Variants in PTPN1 observed in about 807,000 individuals in gnomAD.
PTPN1 encodes tyrosine-protein phosphatase non-receptor type 1.
In PTPN1, 12 loss-of-function variants were observed where a neutral mutation model predicts 59.9. That is an observed-to-expected ratio of 0.20 (90% CI 0.13 to 0.32). The LOEUF (loss-of-function observed/expected upper bound fraction) is 0.32, where lower values mean the gene tolerates loss of function less well. PTPN1 is among the 10% of genes least tolerant of loss of function. The probability of loss-of-function intolerance (pLI) is 1.00; values close to 1 mark genes in which losing one functional copy is unlikely to be tolerated. For missense variants in PTPN1, 356 were observed against 549.2 expected (o/e 0.65, Z 3.52); for synonymous variants, 178 against 203.6 (o/e 0.87, Z 1.07).
chr20:50,557,643 TAA>T (rs2082731647), intron 1 of PTPN1: 1 of 152,304 alleles, frequency 6.6e-6, no homozygotes, highest in African/African-American at 2.4e-5. Context: ...CTGTTGTTAA[TAA>T]TTGACTTTTT....
intron 4 of PTPN1, chr20:50,571,176 T>C (rs2082806633): frequency 6.6e-6 from 1 of 152,254 alleles, no homozygotes; most frequent in Non-Finnish European, 1.5e-5. Context: ...TGTCTCCCAC[T>C]CAAGACTGAC....
chr20:50,547,899 C>A (rs2082682817), intron 1 of PTPN1, among the ~76,000 whole-genome samples: 2 of 152,108 alleles, frequency 1.3e-5, no homozygotes, highest in Non-Finnish European at 2.9e-5. Flanking sequence ...ACAATGGTCC[C>A]TTTTTATTGT....
At chr20:50,574,745 G>T in intron 5 of PTPN1, 91 bp downstream of exon 5, 1 of 1,460,810 alleles carries the variant, frequency 6.8e-7, no homozygotes, top group Non-Finnish European at 9.3e-7. Flanking sequence ...TAATGTCAGT[G>T]TTCCTGGCTT....
At chr20:50,542,703 T>C (rs1267875345) in intron 1 of PTPN1, among the ~76,000 whole-genome samples, 1 of 152,240 alleles carries the variant, frequency 6.6e-6, no homozygotes, top group African/African-American at 2.4e-5. Context: ...TTTGAGATAT[T>C]GAGCAAGCCC....
chr20:50,583,390 G>A lies in PTPN1; in HGVS notation c.*675G>A, dbSNP rs569308913. The stretch of plus-strand genomic sequence containing the variant: ...CAATGCTATAATATATAATGAACAC[G>A]TGGGTATTTAATAAGAAACATGATG... On this transcript the variant is annotated 3_prime_UTR_variant, in exon 10 of 10. Transcript: ENST00000371621. 1.3e-5 allele frequency: 2 copies of A among 152,354 alleles called. No individual in the cohort carries two copies. The highest frequency in any genetic ancestry group is 2.1e-4 in the South Asian group (1 of 4,830). 9.4% of individuals were successfully genotyped at this position (152,354 alleles called of 1,614,324 possible).
At chr20:50,518,886 T>A (rs2082539852) in intron 1 of PTPN1, among the ~76,000 whole-genome samples, 1 of 152,176 alleles carries the variant, frequency 6.6e-6, no homozygotes, top group Non-Finnish European at 1.5e-5. Flanking sequence ...GAATACAACC[T>A]GGTTTAGCCA....
intron 3 of PTPN1, among the ~76,000 whole-genome samples, chr20:50,567,921 G>A (rs893158979): frequency 6.6e-6 from 1 of 152,226 alleles, no homozygotes; most frequent in African/African-American, 2.4e-5. Context: ...AGTAAGCGAT[G>A]GGGAAACTGG....
chr20:50,578,822 G>T (rs767474836), intron 6 of PTPN1, among the ~76,000 whole-genome samples, 193 bp downstream of exon 6: 31 of 152,356 alleles, frequency 2.0e-4, no homozygotes, highest in Middle Eastern at 3.4e-3. Context: ...ACTGGCTCCC[G>T]GTTCTGCAGG....
chr20:50,512,897 A>G (rs930412400), intron 1 of PTPN1, among the ~76,000 whole-genome samples: 12 of 152,214 alleles, frequency 7.9e-5, no homozygotes, highest in African/African-American at 2.9e-4. Flanking sequence ...ACTTTATAGC[A>G]TGTTGAAATG....
intron 1 of PTPN1, among the ~76,000 whole-genome samples, chr20:50,527,788 A>G (rs913147524): frequency 4.6e-5 from 7 of 151,582 alleles, no homozygotes; most frequent in African/African-American, 1.7e-4. Context: ...TGTTTTAATA[A>G]CTCTATTTTT....
At chr20:50,567,744 G>A (rs2082785780) in intron 3 of PTPN1, among the ~76,000 whole-genome samples, 1 of 152,168 alleles carries the variant, frequency 6.6e-6, no homozygotes, top group South Asian at 2.1e-4. Flanking sequence ...AAGTTTGTTG[G>A]GCCAAGGATG....
Position 50,582,797 on chromosome 20 carries a change from T to C in PTPN1, c.*82T>C. On this transcript the variant is annotated 3_prime_UTR_variant, in exon 10 of 10. Transcript: ENST00000371621. This position sits in a 1 kb window ranked among gnomAD's most constrained non-coding sequence, Gnocchi z 4.2. ...CGCCCGACTAGCAGGCATGCCGCGG[T>C]AGGTAAGGGCCGCCGGACCGCGTAG... 1 of 1,568,504 alleles carries C rather than the reference T, an allele frequency of 6.4e-7. No homozygotes were observed. The highest frequency in any genetic ancestry group is 8.7e-7 in the Non-Finnish European group (1 of 1,145,522).
At chr20:50,570,247 G>T (rs893832912) in intron 4 of PTPN1, among the ~76,000 whole-genome samples, 1 of 152,176 alleles carries the variant, frequency 6.6e-6, no homozygotes, top group Admixed American at 6.5e-5. Flanking sequence ...TTAGTTACTC[G>T]CAGAAAGTCT....
At chr20:50,569,484 G>A (rs1460137751) in intron 4 of PTPN1, among the ~76,000 whole-genome samples, 2 of 151,730 alleles carry the variant, frequency 1.3e-5, no homozygotes, top group African/African-American at 2.4e-5. Flanking sequence ...GCCGATTTCT[G>A]GGCAGCCGGC....
chr20:50,576,591 G>A (rs935337581), intron 5 of PTPN1, among the ~76,000 whole-genome samples: 11 of 152,028 alleles, frequency 7.2e-5, no homozygotes, highest in African/African-American at 1.7e-4. Context: ...TTTAACGGCC[G>A]GGCACGGTGG....
Position 50,582,704 on chromosome 20 carries a change from A to G in PTPN1, c.1297A>G (p.Ser433Gly). ...AYLCYRFLFN[S>G]NT ...GGTTTCATTCCAGTTCCTGTTCAAC[A>G]GCAACACATAGCCTGACCCTCCTCC... The change falls in exon 10 of 10, where the codon AGC becomes GGC. Residue 433 changes from serine to glycine, a missense_variant. By Grantham distance (56) the Ser-to-Gly change is moderately conservative (BLOSUM62 0). Transcript: ENST00000371621. The surrounding 1 kb of genome is among the most constrained non-coding windows in gnomAD (Gnocchi z 4.2). 6.2e-7 allele frequency: 1 copy of G among 1,613,854 alleles called. No individual in the cohort carries two copies. The highest frequency in any genetic ancestry group is 8.5e-7 in the Non-Finnish European group (1 of 1,179,916).
chr20:50,541,334 A>G (rs2082651237), intron 1 of PTPN1, among the ~76,000 whole-genome samples: 1 of 152,138 alleles, frequency 6.6e-6, no homozygotes, highest in Non-Finnish European at 1.5e-5. Flanking sequence ...CACTGCTTTC[A>G]CCTTGGTTCT....
chr20:50,523,937 T>C (rs865937629), intron 1 of PTPN1, among the ~76,000 whole-genome samples: 2 of 152,252 alleles, frequency 1.3e-5, no homozygotes, highest in Non-Finnish European at 1.5e-5. Flanking sequence ...TCTGTTCATA[T>C]TAAGTGTCAC....
chr20:50,557,145 C>A (rs1452540300), intron 1 of PTPN1, among the ~76,000 whole-genome samples: 1 of 152,210 alleles, frequency 6.6e-6, no homozygotes, highest in African/African-American at 2.4e-5. Context: ...CCACCACTCC[C>A]AATCTTTGTT....
Sources: gnomAD v4.1 joint callset for allele counts (sites outside exome capture counted in the v4.1 genomes callset) on GRCh38, gnomAD v4.1.1 for gene constraint, Gnocchi (gnomAD v3.1) non-coding constraint, MANE v1.5 for transcripts, NCBI Gene and HGNC (gene_info 2026-07-23, HGNC 2026-07-21) for gene names.